LSR: variants seen among roughly 807,000 people sequenced by gnomAD.
LSR encodes the protein lipolysis-stimulated lipoprotein receptor.
Under a neutral mutation model 61.8 loss-of-function variants are expected in LSR, and 44 were observed. The ratio of observed to expected loss-of-function variants is 0.71; its 90% CI spans 0.56 to 0.91. The LOEUF (loss-of-function observed/expected upper bound fraction) is 0.91. Among genes scored for constraint, LSR ranks in the 40% least tolerant of loss-of-function variants. LSR has a pLI of 0.00. For missense variants in LSR, 911 were observed against 830.5 expected (o/e 1.10, Z -1.19); for synonymous variants, 397 against 350.6 (o/e 1.13, Z -1.48).
rs149048846 is a variant in LSR, at chr19:35,253,025, TGAAAA to T, written c.454+2372_454+2376del. Among the ~76,000 whole-genome samples, 592 of 116,184 alleles carry T rather than the reference TGAAAA, an allele frequency of 5.1e-3. 4 individuals carry two copies. Among genetic ancestry groups the T allele is most frequent in the African/African-American group, 0.016 (568 of 35,710 alleles). 76.2% of individuals were successfully genotyped at this position (116,184 alleles called of 152,430 possible). A position where few individuals can be genotyped will look rare whatever the true frequency, so the allele number is the denominator to read the frequency against. ...GACAGAGTGAGACCCTGTCTTGAAA[TGAAAA>T]GAAAATAGGCTGGGCGCAGTGGCTC... is the stretch of plus-strand genomic sequence containing the variant. On this transcript the variant is annotated intron_variant, in intron 2 of 9. Transcript: ENST00000605618.
At chr19:35,252,822 G>A (rs1405096611) in intron 2 of LSR, among the ~76,000 whole-genome samples, 1 of 151,788 alleles carries the variant, frequency 6.6e-6, no homozygotes, top group Non-Finnish European at 1.5e-5. Context: ...AGACCAGCCT[G>A]GACAACAAAA....
chr19:35,250,795 C>CTTT (rs564341537), intron 2 of LSR, 136 bp downstream of exon 2: 474 of 419,534 alleles, frequency 1.1e-3, no homozygotes, highest in South Asian at 2.6e-3. Context: ...GGGAGCAATT[C>CTTT]TTTTTTTTTT....
chr19:35,256,699 GATGA>G (rs71167530), intron 2 of LSR, among the ~76,000 whole-genome samples: 34,687 of 150,524 alleles, frequency 0.23, 4,110 homozygotes, highest in South Asian at 0.25. Flanking sequence ...ATTGTTGAAG[GATGA>G]ATGAATGAAT....
intron 2 of LSR, among the ~76,000 whole-genome samples, chr19:35,256,029 TC>T (rs1434893636): frequency 2.0e-5 from 3 of 152,152 alleles, no homozygotes; most frequent in African/African-American, 7.2e-5. Context: ...GGTCAGGAGT[TC>T]CAGACCTGCC....
At chr19:35,249,218 G>A in intron 1 of LSR, 87 bp downstream of exon 1, 12 of 1,459,476 alleles carry the variant, frequency 8.2e-6, no homozygotes, top group Non-Finnish European at 1.0e-5. Context: ...CGGGAAGCGG[G>A]AAGCGGGGGT....
Position 35,258,622 on chromosome 19 carries a change from A to C in LSR, c.455-323A>C, listed in dbSNP as rs564750660. ...CCTGTCTCTAAAGAAAGAAAAAAAA[A>C]AACAACCTCAGGCTCCGAGGGCACC... On this transcript the variant is annotated intron_variant, in intron 2 of 9. Transcript: ENST00000605618. Among the ~76,000 whole-genome samples, 26 of 152,136 alleles carry C rather than the reference A, an allele frequency of 1.7e-4. No homozygotes were observed. The East Asian group carries it at 2.1e-3, about 12-fold the overall frequency.
chr19:35,252,944 T>C (rs1338885864), intron 2 of LSR, among the ~76,000 whole-genome samples: 1 of 151,972 alleles, frequency 6.6e-6, no homozygotes, highest in Non-Finnish European at 1.5e-5. Context: ...TTGCTTGGGC[T>C]TGAGAGGTCA....
Position 35,266,548 on chromosome 19 carries a change from G to A in LSR, c.952+16G>A, listed in dbSNP as rs2066002048. On this transcript the variant is annotated intron_variant, in intron 6 of 9. Transcript: ENST00000605618. ...AGTAGCTCAGGTGAGGCCGGGGGAA[G>A]CAGGAACAGCTGGTGGGAGTGTGCT... 1 of 1,597,754 alleles carries A rather than the reference G, an allele frequency of 6.3e-7. No homozygotes were observed. Among genetic ancestry groups the A allele is most frequent in the Non-Finnish European group, 8.6e-7 (1 of 1,169,502 alleles).
At chr19:35,249,832 C>T (rs1281590708) in intron 1 of LSR, among the ~76,000 whole-genome samples, 1 of 152,106 alleles carries the variant, frequency 6.6e-6, no homozygotes, top group Non-Finnish European at 1.5e-5. Context: ...GGGCTTTAGT[C>T]CCTCCATGGC....
chr19:35,252,648 CAAAA>C (rs57052855), intron 2 of LSR, among the ~76,000 whole-genome samples: 4 of 74,768 alleles, frequency 5.3e-5, no homozygotes, highest in Admixed American at 1.5e-4. Context: ...GACTCTGTCT[CAAAA>C]AAAAAAAAAA....
Position 35,266,527 on chromosome 19 carries a change from G to A in LSR, c.947G>A (p.Ser316Asn). The change falls in exon 6 of 10, where the codon AGC becomes AAC. Residue 316 changes from serine (S) to asparagine (N), a missense_variant. Transcript: ENST00000605618. Reference sequence around the variant, plus strand: ...TACCCTGGAGACGTTGACAGGAGTAGCTCAGGTGAGGCCGGGGGAAGCAGG... The same window carrying A: ...TACCCTGGAGACGTTGACAGGAGTAACTCAGGTGAGGCCGGGGGAAGCAGG... Reference protein sequence around the residue: ...GGYPGDVDRSSSAGGQGSYVP... With the variant: ...GGYPGDVDRSNSAGGQGSYVP... 6.2e-7 allele frequency: 1 copy of A among 1,603,006 alleles called. No homozygotes were observed. The highest frequency in any genetic ancestry group is 8.5e-7 in the Non-Finnish European group (1 of 1,173,082).
At chr19:35,255,454 C>T (rs2065844635) in intron 2 of LSR, among the ~76,000 whole-genome samples, 1 of 151,846 alleles carries the variant, frequency 6.6e-6, no homozygotes, top group African/African-American at 2.4e-5. Flanking sequence ...ATAGTAAGAG[C>T]TCAATAAACG....
rs200105057 is a variant in LSR at position 35,262,512 on chromosome 19, G to C, written c.632-34G>C. ...TGCCGTTAGCCCTGTTCCCTCCCAG[G>C]CCTCCGGGCTCAGGGCCTGTTGTCT... On this transcript the variant is annotated intron_variant, in intron 4 of 9. Coordinates refer to ENST00000605618, the MANE Select transcript of LSR (RefSeq NM_205834.4). The C allele has an allele frequency of 5.0e-6, 8 of 1,613,418 alleles. No individual in the cohort carries two copies. The Admixed American group carries it at 8.3e-5, about 17-fold the overall frequency.
Position 35,259,064 on chromosome 19 carries a change from G to C in LSR, c.574G>C (p.Gly192Arg). The change falls in exon 3 of 10, where the codon GGG (glycine) becomes CGG (arginine). Residue 192 changes from glycine to arginine, a missense_variant and splice_region_variant. By Grantham distance (125) the Gly-to-Arg change is moderately radical (BLOSUM62 -2). Transcript: ENST00000605618. Reference sequence around the variant, plus strand: ...GGCCTACGCAGAGCTCATCGTCCTTGGTGAGTGGGCCTGGGAAGGGGGAGG... The same window carrying C: ...GGCCTACGCAGAGCTCATCGTCCTTCGTGAGTGGGCCTGGGAAGGGGGAGG... ...NEAYAELIVLGRTSGVAELLP... is the reference protein window; with the variant it reads ...NEAYAELIVLRRTSGVAELLP... 6.2e-7 allele frequency: 1 copy of C among 1,612,190 alleles called. No homozygotes were observed. Among genetic ancestry groups the C allele is most frequent in the Non-Finnish European group, 8.5e-7 (1 of 1,178,646 alleles).
At chr19:35,253,544 G>C (rs951467053) in intron 2 of LSR, 2 of 152,412 alleles carry the variant, frequency 1.3e-5, no homozygotes, top group African/African-American at 2.4e-5. Flanking sequence ...GCAGAGCGGG[G>C]AAGGGAGCAT....
chr19:35,267,139 A>ACGACTGGCGATCTCGGCCTTCC lies in LSR; in HGVS notation c.1178_1199dup (p.Gly401LeufsTer17). 1 of 1,528,822 alleles carries ACGACTGGCGATCTCGGCCTTCC rather than the reference A, an allele frequency of 6.5e-7. No individual in the cohort carries two copies. Among genetic ancestry groups the ACGACTGGCGATCTCGGCCTTCC allele is most frequent in the Non-Finnish European group, 8.8e-7 (1 of 1,142,488 alleles). 94.7% of individuals were successfully genotyped at this position (1,528,822 alleles called of 1,614,324 possible). ...AGTGAAGTCACCTCCCTCCACGAGGACGACTGGCGATCTCGGCCTTCCCGG... is the reference window on the plus strand; with the variant it reads ...AGTGAAGTCACCTCCCTCCACGAGGACGACTGGCGATCTCGGCCTTCCCGACTGGCGATCTCGGCCTTCCCGG... On this transcript the variant is annotated frameshift_variant, in exon 9 of 10. Coordinates refer to ENST00000605618, the MANE Select transcript of LSR (RefSeq NM_205834.4). LOFTEE classifies it high-confidence loss of function.
At chr19:35,265,034 G>A (rs1285951974) in intron 5 of LSR, among the ~76,000 whole-genome samples, 4 of 152,082 alleles carry the variant, frequency 2.6e-5, no homozygotes, top group Admixed American at 6.6e-5. Context: ...TAAGGAAGTC[G>A]CTGGCTAATT....
intron 3 of LSR, among the ~76,000 whole-genome samples, chr19:35,259,636 C>CA (rs775805186): frequency 0.029 from 3,370 of 117,976 alleles, 47 homozygotes; most frequent in East Asian, 0.063. Flanking sequence ...AGACTCTGTC[C>CA]AAAAAAAAAA....
intron 5 of LSR, 189 bp downstream of exon 5, chr19:35,262,881 A>AT (rs1472234170): frequency 1.6e-6 from 1 of 619,978 alleles, no homozygotes; most frequent in African/African-American, 1.8e-5. Context: ...CTTTTAGTTT[A>AT]TTTTTATTTA....
Sources: allele counts gnomAD v4.1 joint callset (sites outside exome capture counted in the v4.1 genomes callset), GRCh38; gene constraint gnomAD v4.1.1; transcripts MANE v1.5; gene names NCBI Gene and HGNC (gene_info 2026-07-23, HGNC 2026-07-21).